The following ARHGAP10 variants were observed in gnomAD, a reference collection of about 807,000 sequenced individuals.
ARHGAP10 encodes the protein Rho GTPase activating protein 10, also known as rho GTPase-activating protein 10.
In ARHGAP10, 87 loss-of-function variants were observed where a neutral mutation model predicts 108.6. That is an observed-to-expected ratio of 0.80 (90% CI 0.67 to 0.96). ARHGAP10 has a LOEUF of 0.96. ARHGAP10 is among the 40% of genes least tolerant of loss of function. ARHGAP10 has a pLI of 0.00. For synonymous variants in ARHGAP10, 347 were observed against 341.1 expected, an observed-to-expected ratio of 1.02 and a Z score of -0.19; for missense variants, 939 against 954.5, an observed-to-expected ratio of 0.98 and a Z score of 0.21.
intron 13 of ARHGAP10, among the ~76,000 whole-genome samples, chr4:147,918,594 C>G (rs72959726): frequency 0.11 from 17,245 of 152,172 alleles, 2,270 homozygotes; most frequent in African/African-American, 0.31. Flanking sequence ...GTCACATTGT[C>G]TTTCTGTTGG....
At chr4:147,797,147 C>G (rs1731347703) in intron 1 of ARHGAP10, among the ~76,000 whole-genome samples, 1 of 152,158 alleles carries the variant, frequency 6.6e-6, no homozygotes. Context: ...CTGGTTTTCT[C>G]TCCTCTAGTG....
At position 148,007,026 on chromosome 4, in the gene ARHGAP10, T is replaced by C. The variant is rs140353508; in HGVS notation, c.1717-16237T>C. Among the ~76,000 whole-genome samples, 537 of 152,308 alleles carry C rather than the reference T, an allele frequency of 3.5e-3. 4 individuals are homozygous for C. Among genetic ancestry groups the C allele is most frequent in the African/African-American group, 0.012 (509 of 41,574 alleles). ...TTTGCATAATAGGATGTAGAAAAAT[T>C]AGACGAAATTGCCTGTAGGTGCGGT... On this transcript the variant is annotated intron_variant, in intron 18 of 22. Transcript: ENST00000336498.
rs574538993 is a variant in ARHGAP10, at chr4:148,025,319, CATGAAGTATTTT to C, written c.1867+1909_1867+1920del. ...ATGTTTTGTTCTACATTTTGTATTT[CATGAAGTATTTT>C]ATAGCTTTATATTCATCCTTGGTTG... On this transcript the variant is annotated intron_variant, in intron 19 of 22. Coordinates refer to ENST00000336498, the MANE Select transcript of ARHGAP10 (RefSeq NM_024605.4). 8.6e-5 allele frequency among the ~76,000 whole-genome samples: 13 copies of C among 150,890 alleles called. No homozygotes were observed. In the South Asian group the frequency reaches 2.3e-3, roughly 27 times the overall value.
intron 16 of ARHGAP10, among the ~76,000 whole-genome samples, chr4:147,960,366 C>A (rs148261669): frequency 6.6e-6 from 1 of 152,100 alleles, no homozygotes; most frequent in African/African-American, 2.4e-5. Context: ...ATTTCTCATT[C>A]TCAAATACTA....
chr4:147,764,499 C>T (rs77795867), intron 1 of ARHGAP10, among the ~76,000 whole-genome samples: 1 of 151,824 alleles, frequency 6.6e-6, no homozygotes, highest in African/African-American at 2.4e-5. Context: ...AAAAAAAAAC[C>T]TCCAAATCTG....
intron 1 of ARHGAP10, among the ~76,000 whole-genome samples, chr4:147,733,788 T>G (rs1437022428): frequency 6.6e-6 from 1 of 152,230 alleles, no homozygotes; most frequent in East Asian, 1.9e-4. Context: ...GGCAAGTCAC[T>G]CAACTTCTCT....
chr4:147,755,673 A>T (rs1729338153), intron 1 of ARHGAP10, among the ~76,000 whole-genome samples: 1 of 152,236 alleles, frequency 6.6e-6, no homozygotes, highest in Non-Finnish European at 1.5e-5. Flanking sequence ...TTATAAACAC[A>T]GTTAAATAGA....
At chr4:148,023,551 A>C in intron 19 of ARHGAP10, 138 bp downstream of exon 19, 4 of 1,051,094 alleles carry the variant, frequency 3.8e-6, no homozygotes, top group Non-Finnish European at 5.1e-6. Flanking sequence ...TGAGATTTAC[A>C]GGGAGGGTGA....
chr4:147,934,674 A>G (rs1387514318), intron 13 of ARHGAP10, among the ~76,000 whole-genome samples: 1 of 152,122 alleles, frequency 6.6e-6, no homozygotes, highest in Non-Finnish European at 1.5e-5. Context: ...CGCTCTCTAC[A>G]AAAAATAGAT....
chr4:147,922,240 A>G (rs138412597), intron 13 of ARHGAP10, among the ~76,000 whole-genome samples: 366 of 152,044 alleles, frequency 2.4e-3, no homozygotes, highest in Non-Finnish European at 4.1e-3. Flanking sequence ...ATGGAGAGTG[A>G]AGGGAGGGAG....
chr4:147,811,388 T>A (rs1234888810), intron 1 of ARHGAP10, among the ~76,000 whole-genome samples: 1 of 152,206 alleles, frequency 6.6e-6, no homozygotes, highest in Non-Finnish European at 1.5e-5. Flanking sequence ...GAGTTTGGTC[T>A]ACCTGAGGCA....
At chr4:147,759,866 A>C (rs1729523970) in intron 1 of ARHGAP10, among the ~76,000 whole-genome samples, 1 of 152,132 alleles carries the variant, frequency 6.6e-6, no homozygotes, top group South Asian at 2.1e-4. Context: ...CTCCTGCCTC[A>C]GCCTCCTGAG....
chr4:147,948,998 C>T (rs1738494269), intron 15 of ARHGAP10, among the ~76,000 whole-genome samples: 1 of 151,136 alleles, frequency 6.6e-6, no homozygotes. Flanking sequence ...CCCCAAAAAA[C>T]AGAATCCATT....
intron 1 of ARHGAP10, among the ~76,000 whole-genome samples, chr4:147,754,756 G>GT (rs979032837): frequency 6.6e-6 from 1 of 152,050 alleles, no homozygotes; most frequent in Non-Finnish European, 1.5e-5. Context: ...TGCTACATAA[G>GT]TTGTACATTC....
intron 3 of ARHGAP10, 56 bp from the exon 4 acceptor site, chr4:147,847,095 T>G: frequency 2.8e-6 from 4 of 1,442,960 alleles, no homozygotes; most frequent in Non-Finnish European, 3.8e-6. Context: ...AATACTAATT[T>G]TTTCCTTTTT....
chr4:147,815,888 T>C (rs1205045995), intron 1 of ARHGAP10, among the ~76,000 whole-genome samples: 1 of 152,164 alleles, frequency 6.6e-6, no homozygotes, highest in East Asian at 1.9e-4. Context: ...TTTAGCCCCA[T>C]GAGACTTCCC....
chr4:148,067,494 A>G (rs1012767927), intron 22 of ARHGAP10, among the ~76,000 whole-genome samples: 4 of 151,986 alleles, frequency 2.6e-5, no homozygotes, highest in African/African-American at 4.8e-5. Context: ...CCAAGTGGCC[A>G]CTCTAGACAG....
intron 18 of ARHGAP10, among the ~76,000 whole-genome samples, chr4:148,013,848 T>C (rs949979772): frequency 2.0e-5 from 3 of 152,174 alleles, no homozygotes; most frequent in African/African-American, 7.2e-5. Context: ...ACCAGTGTCA[T>C]TTAAGGAAGA....
intron 1 of ARHGAP10, among the ~76,000 whole-genome samples, chr4:147,791,112 CTT>C (rs368304720): frequency 2.1e-4 from 28 of 134,206 alleles, no homozygotes; most frequent in East Asian, 4.2e-4. Context: ...ATATTCTTTA[CTT>C]TTTTTTTTTT....
Sources: allele counts gnomAD v4.1 joint callset (sites outside exome capture counted in the v4.1 genomes callset), GRCh38; gene constraint gnomAD v4.1.1; transcripts MANE v1.5; gene names NCBI Gene and HGNC (gene_info 2026-07-23, HGNC 2026-07-21).